The following JMJD1C variants were observed in gnomAD, a reference collection of about 807,000 sequenced individuals.
JMJD1C encodes jumonji domain containing 1C.
In JMJD1C, 31 loss-of-function variants were observed where a neutral mutation model predicts 245.3. The observed-to-expected ratio is 0.13, with a 90% confidence interval of 0.09 to 0.17. The LOEUF (loss-of-function observed/expected upper bound fraction) is 0.17, where lower values mean the gene tolerates loss of function less well. Among genes scored for constraint, JMJD1C ranks in the 10% least tolerant of loss-of-function variants. JMJD1C has a pLI of 1.00. For missense variants in JMJD1C, 2,691 were observed against 3,000.2 expected, an observed-to-expected ratio of 0.90 and a Z score of 2.41; for synonymous variants, 1,057 against 1,017.4, an observed-to-expected ratio of 1.04 and a Z score of -0.74.
At chr10:63,248,622 G>A (rs1348783401) in intron 3 of JMJD1C, among the ~76,000 whole-genome samples, 3 of 152,056 alleles carry the variant, frequency 2.0e-5, no homozygotes, top group African/African-American at 7.2e-5. Flanking sequence ...GAACCTGTAC[G>A]CTGTTGGTGG....
intron 2 of JMJD1C, among the ~76,000 whole-genome samples, chr10:63,379,923 T>C (rs943268350): frequency 6.6e-6 from 1 of 151,986 alleles, no homozygotes; most frequent in African/African-American, 2.4e-5. Context: ...TAATTCTTAG[T>C]CTTAAATTTT....
intron 1 of JMJD1C, among the ~76,000 whole-genome samples, chr10:63,411,293 A>ATTTTTTT (rs58719205): frequency 1.2e-5 from 1 of 84,544 alleles, no homozygotes; most frequent in Non-Finnish European, 2.4e-5. Context: ...TGTGTCACTG[A>ATTTTTTT]TTTTTTTTTT....
intron 3 of JMJD1C, among the ~76,000 whole-genome samples, chr10:63,244,808 T>TAA (rs1350484283): frequency 9.3e-5 from 8 of 86,248 alleles, no homozygotes; most frequent in East Asian, 9.8e-4. Flanking sequence ...CTCCTTCTCT[T>TAA]AAAAAAAAAG....
At chr10:63,398,647 T>A (rs2393973) in intron 1 of JMJD1C, among the ~76,000 whole-genome samples, 135,553 of 143,862 alleles carry the variant, frequency 0.94, 63,696 homozygotes, top group South Asian at 0.99. Context: ...GAAAAAAAAT[T>A]TTTTTTTTTT....
At chr10:63,220,645 A>T (rs1848491571) in intron 3 of JMJD1C, among the ~76,000 whole-genome samples, 1 of 152,154 alleles carries the variant, frequency 6.6e-6, no homozygotes, top group Non-Finnish European at 1.5e-5. Flanking sequence ...TCATACAGTC[A>T]CGTGATTTCC....
At chr10:63,257,548 G>A (rs1180657288) in intron 3 of JMJD1C, among the ~76,000 whole-genome samples, 1 of 152,076 alleles carries the variant, frequency 6.6e-6, no homozygotes, top group Non-Finnish European at 1.5e-5. Context: ...TAATGCTTAG[G>A]GGACTTCTAG....
At chr10:63,397,139 C>T (rs545592452) in intron 1 of JMJD1C, among the ~76,000 whole-genome samples, 112 of 152,286 alleles carry the variant, frequency 7.4e-4, no homozygotes, top group Middle Eastern at 3.4e-3. Flanking sequence ...ACTGGATCCA[C>T]TATAGTGCTT....
rs532475720 is a variant in JMJD1C, at chr10:63,387,914, C to T, written c.169-7432G>A. Among the ~76,000 whole-genome samples the T allele has an allele frequency of 4.6e-5, 7 of 151,822 alleles. No homozygotes were observed. The East Asian group carries it at 5.8e-4, about 13-fold the overall frequency. ...CCTCCCAAAGTGCTGGGATTACAGG[C>T]GTGAGCCACTGCGCCTGGCCGAAAA... On this transcript the variant is annotated intron_variant, in intron 1 of 25. Coordinates refer to ENST00000399262, the MANE Select transcript of JMJD1C (RefSeq NM_032776.3).
chr10:63,520,520 AAC>A lies in JMJD1C; in HGVS notation n.113+1216_113+1217del, dbSNP rs1491044699. 2.1e-4 allele frequency among the ~76,000 whole-genome samples: 32 copies of A among 152,114 alleles called. No homozygotes were observed. The South Asian group carries it at 3.5e-3, about 17-fold the overall frequency. On this transcript the variant is annotated intron_variant and non_coding_transcript_variant, in intron 1 of 3. Coordinates refer to the JMJD1C transcript ENST00000633035. ...GGTACTGTCACAAAAAAAAAAAAAA[AAC>A]AGTTTTAAAAGTCTGCCCTTGAAAT...
At chr10:63,511,716 C>CA (rs905864135) in intron 1 of JMJD1C, among the ~76,000 whole-genome samples, 45 of 140,466 alleles carry the variant, frequency 3.2e-4, no homozygotes, top group African/African-American at 7.1e-4. Flanking sequence ...GACTCCATCT[C>CA]AAAAAAAAAA....
chr10:63,206,515 C>G, intron 10 of JMJD1C, 80 bp downstream of exon 10: 2 of 1,134,758 alleles, frequency 1.8e-6, no homozygotes, highest in Non-Finnish European at 2.5e-6. Context: ...TTTAAGCTCA[C>G]TGATCTTTAA....
chr10:63,394,115 A>C (rs1395038593), intron 1 of JMJD1C, among the ~76,000 whole-genome samples: 1 of 146,488 alleles, frequency 6.8e-6, no homozygotes, highest in East Asian at 2.1e-4. Context: ...TGAATCCGGG[A>C]GGTAGTGGTT....
In JMJD1C at chr10:63,290,413, TAGTC is replaced by T. The variant is rs1241424120; in HGVS notation, c.334-25653_334-25650del. Among the ~76,000 whole-genome samples, 7 of 152,092 alleles carry T rather than the reference TAGTC, an allele frequency of 4.6e-5. No homozygotes were observed. The East Asian group carries it at 1.2e-3, about 25-fold the overall frequency. On this transcript the variant is annotated intron_variant, in intron 2 of 25. Coordinates refer to ENST00000399262, the MANE Select transcript of JMJD1C (RefSeq NM_032776.3). ...GTGAAACCCCGTCCCTATTAAAAAT[TAGTC>T]AGGCGTGGTGGCGGATGCCTGTAAA...
chr10:63,168,988 T>A (rs1842094936), intron 24 of JMJD1C, among the ~76,000 whole-genome samples: 1 of 152,198 alleles, frequency 6.6e-6, no homozygotes, highest in Non-Finnish European at 1.5e-5. Flanking sequence ...CACTGTTAAC[T>A]CTTACATCAG....
chr10:63,296,915 T>C (rs1319367570), intron 2 of JMJD1C, among the ~76,000 whole-genome samples: 3 of 152,220 alleles, frequency 2.0e-5, no homozygotes, highest in Admixed American at 1.3e-4. Context: ...TAAGTTCCCA[T>C]TTTAAGATTT....
At chr10:63,337,862 C>A (rs1203569488) in intron 2 of JMJD1C, among the ~76,000 whole-genome samples, 1 of 152,106 alleles carries the variant, frequency 6.6e-6, no homozygotes, top group Non-Finnish European at 1.5e-5. Context: ...AATCTCTTCG[C>A]AAAGTATTTG....
intron 2 of JMJD1C, among the ~76,000 whole-genome samples, chr10:63,282,875 CCTGA>C (rs776210411): frequency 1.2e-4 from 18 of 152,164 alleles, no homozygotes; most frequent in Non-Finnish European, 1.9e-4. Flanking sequence ...TGCCACCACG[CCTGA>C]CTAATTCTTT....
chr10:63,218,944 G>A (rs542510396), intron 4 of JMJD1C, among the ~76,000 whole-genome samples: 1 of 152,204 alleles, frequency 6.6e-6, no homozygotes, highest in South Asian at 2.1e-4. Flanking sequence ...TCAGAATAAT[G>A]TTCCAGCATT....
intron 1 of JMJD1C, among the ~76,000 whole-genome samples, chr10:63,414,179 G>C (rs1029841246): frequency 7.3e-5 from 11 of 151,658 alleles, no homozygotes; most frequent in South Asian, 2.1e-4. Context: ...GTACAGACAG[G>C]GTTTTACTGT....
Sources: allele counts gnomAD v4.1 joint callset (sites outside exome capture counted in the v4.1 genomes callset), GRCh38; gene constraint gnomAD v4.1.1; transcripts MANE v1.5; gene names NCBI Gene and HGNC (gene_info 2026-07-23, HGNC 2026-07-21).